The following LRRC4C variants were observed in gnomAD, a reference collection of about 807,000 sequenced individuals.
LRRC4C encodes leucine rich repeat containing 4C.
In LRRC4C, 5 loss-of-function variants were observed where a neutral mutation model predicts 33.6. That is an observed-to-expected ratio of 0.15 (90% CI 0.08 to 0.31). The LOEUF is 0.31. Ranked by LOEUF, LRRC4C falls within the 10% of genes least tolerant of loss-of-function variation. The pLI is 1.00. For synonymous variants in LRRC4C, 329 were observed against 302.0 expected, an observed-to-expected ratio of 1.09 and a Z score of -0.93; for missense variants, 560 against 796.7, an observed-to-expected ratio of 0.70 and a Z score of 3.58.
chr11:40,392,803 G>A (rs1949388411), intron 3 of LRRC4C, among the ~76,000 whole-genome samples: 1 of 151,792 alleles, frequency 6.6e-6, no homozygotes, highest in Non-Finnish European at 1.5e-5. Flanking sequence ...TCTAATGGGA[G>A]ACAAAAATAA....
intron 1 of LRRC4C, among the ~76,000 whole-genome samples, chr11:41,444,526 TG>T (rs1446888857): frequency 6.6e-6 from 1 of 152,138 alleles, no homozygotes; most frequent in African/African-American, 2.4e-5. Flanking sequence ...ACTATTAGCT[TG>T]TATGTGGTGG....
At chr11:40,573,633 A>G (rs184379672) in intron 3 of LRRC4C, among the ~76,000 whole-genome samples, 1 of 152,330 alleles carries the variant, frequency 6.6e-6, no homozygotes, top group Admixed American at 6.5e-5. Flanking sequence ...ACATGACAGT[A>G]AGTTCCATAA....
At chr11:40,589,846 C>T (rs1243587249) in intron 3 of LRRC4C, among the ~76,000 whole-genome samples, 12 of 149,450 alleles carry the variant, frequency 8.0e-5, no homozygotes, top group African/African-American at 2.0e-4. Context: ...CCGAGAGATC[C>T]GCTGTTAGTC....
At chr11:41,344,258 G>T (rs1334934650) in intron 1 of LRRC4C, among the ~76,000 whole-genome samples, 1 of 116,296 alleles carries the variant, frequency 8.6e-6, no homozygotes, top group Non-Finnish European at 1.7e-5. Flanking sequence ...ATGGAGTCTT[G>T]CTCTGTCACC....
At chr11:40,643,624 C>T (rs914477677) in intron 3 of LRRC4C, among the ~76,000 whole-genome samples, 4 of 152,132 alleles carry the variant, frequency 2.6e-5, no homozygotes, top group African/African-American at 9.7e-5. Flanking sequence ...ACCCAACCCC[C>T]CTGCCGTCCA....
chr11:40,309,968 G>C (rs1321150076), intron 4 of LRRC4C, among the ~76,000 whole-genome samples: 2 of 152,134 alleles, frequency 1.3e-5, no homozygotes, highest in Non-Finnish European at 2.9e-5. Context: ...GGAGTCAGGG[G>C]AATAAAAGGT....
intron 1 of LRRC4C, among the ~76,000 whole-genome samples, chr11:41,141,069 A>G (rs182151509): frequency 6.6e-6 from 1 of 152,296 alleles, no homozygotes; most frequent in East Asian, 1.9e-4. Context: ...TAGTGTCATG[A>G]TTGAATCATT....
intron 5 of LRRC4C, among the ~76,000 whole-genome samples, chr11:40,165,939 C>G (rs909169970): frequency 1.3e-5 from 2 of 152,248 alleles, no homozygotes; most frequent in Non-Finnish European, 2.9e-5. Context: ...GAGCGAAACT[C>G]TGTCTCAAAA....
chr11:40,219,515 A>T (rs1195869226), intron 5 of LRRC4C, among the ~76,000 whole-genome samples: 1 of 152,180 alleles, frequency 6.6e-6, no homozygotes, highest in Non-Finnish European at 1.5e-5. Context: ...TACCTGTTAA[A>T]TGAGTAAATT....
rs201198766 is a variant in LRRC4C, at chr11:40,630,842, G to T, written c.-270+17300C>A. Among the ~76,000 whole-genome samples, 8 of 152,262 alleles carry T rather than the reference G, an allele frequency of 5.3e-5. No individual in the cohort carries two copies. The East Asian group carries it at 1.5e-3, about 29-fold the overall frequency. Reference sequence around the variant, plus strand: ...AACAGCTCCCCACAGATTTCACTTTGTAAGACATAGAGAGTTTTATGATAT... The same window carrying T: ...AACAGCTCCCCACAGATTTCACTTTTTAAGACATAGAGAGTTTTATGATAT... On this transcript the variant is annotated intron_variant, in intron 3 of 6. Transcript: ENST00000528697.
chr11:40,690,717 T>A (rs1202657570), intron 2 of LRRC4C, among the ~76,000 whole-genome samples: 1 of 150,732 alleles, frequency 6.6e-6, no homozygotes, highest in East Asian at 1.9e-4. Flanking sequence ...TCTACAACAC[T>A]GTACCAAAGG....
At chr11:40,194,608 T>TG (rs1862100175) in intron 5 of LRRC4C, among the ~76,000 whole-genome samples, 1 of 127,800 alleles carries the variant, frequency 7.8e-6, no homozygotes, top group Non-Finnish European at 1.7e-5. Context: ...CATCACACAC[T>TG]GGGGCCTGTC....
At chr11:41,378,968 TTC>T (rs1265519304) in intron 1 of LRRC4C, among the ~76,000 whole-genome samples, 1 of 151,962 alleles carries the variant, frequency 6.6e-6, no homozygotes, top group African/African-American at 2.4e-5. Context: ...TTGTCTTGAT[TTC>T]TCTTTCTTCA....
intron 2 of LRRC4C, among the ~76,000 whole-genome samples, chr11:40,763,894 G>A (rs1201593622): frequency 6.6e-6 from 1 of 152,150 alleles, no homozygotes; most frequent in Non-Finnish European, 1.5e-5. Context: ...CCACAGGGCT[G>A]CAATTCCTAG....
At chr11:40,829,296 C>T (rs1035821849) in intron 2 of LRRC4C, among the ~76,000 whole-genome samples, 2 of 151,964 alleles carry the variant, frequency 1.3e-5, no homozygotes, top group African/African-American at 4.8e-5. Context: ...CAAGTCCTAC[C>T]AATATTGAAA....
intron 2 of LRRC4C, among the ~76,000 whole-genome samples, chr11:40,650,960 C>T (rs1942761044): frequency 6.6e-6 from 1 of 152,120 alleles, no homozygotes; most frequent in Non-Finnish European, 1.5e-5. Flanking sequence ...TGCACAAGTG[C>T]CCCCTTGTAG....
At chr11:40,758,436 T>C (rs1565022932) in intron 2 of LRRC4C, among the ~76,000 whole-genome samples, 1 of 152,042 alleles carries the variant, frequency 6.6e-6, no homozygotes, top group East Asian at 1.9e-4. Context: ...TTAAATGCCC[T>C]CATTGACTGA....
intron 3 of LRRC4C, among the ~76,000 whole-genome samples, chr11:40,417,705 C>T (rs1950378988): frequency 6.6e-6 from 1 of 151,934 alleles, no homozygotes; most frequent in Admixed American, 6.6e-5. Context: ...CTCATTCATC[C>T]ATTTATTTAT....
intron 4 of LRRC4C, among the ~76,000 whole-genome samples, chr11:40,265,963 G>A (rs913056661): frequency 1.3e-5 from 2 of 152,122 alleles, no homozygotes; most frequent in African/African-American, 4.8e-5. Context: ...TAGTATTCAA[G>A]TAAAAACGTG....
Sources: gnomAD v4.1 joint callset for allele counts (sites outside exome capture counted in the v4.1 genomes callset) on GRCh38, gnomAD v4.1.1 for gene constraint, MANE v1.5 for transcripts, NCBI Gene and HGNC (gene_info 2026-07-23, HGNC 2026-07-21) for gene names.